Variants in RBM6 observed in about 807,000 individuals in gnomAD.
RBM6 encodes RNA binding motif protein 6, also known as RNA-binding protein 6.
In RBM6, 23 loss-of-function variants were observed where a neutral mutation model predicts 140.4. That is an observed-to-expected ratio of 0.16 (90% confidence interval 0.12 to 0.23). RBM6 has a LOEUF of 0.23. Among genes scored for constraint, RBM6 ranks in the 10% least tolerant of loss-of-function variants. RBM6 has a pLI of 1.00. For missense variants in RBM6, 1,139 were observed against 1,386.7 expected, an observed-to-expected ratio of 0.82 and a Z score of 2.84; for synonymous variants, 439 against 475.6, an observed-to-expected ratio of 0.92 and a Z score of 1.00.
At chr3:49,948,973 G>A (rs1264606810) in intron 1 of RBM6, among the ~76,000 whole-genome samples, 3 of 150,308 alleles carry the variant, frequency 2.0e-5, no homozygotes, top group Non-Finnish European at 3.0e-5. Context: ...TGGGTTACAG[G>A]TACCTGCCAC....
chr3:49,983,398 A>G (rs189338977), intron 5 of RBM6, among the ~76,000 whole-genome samples: 1 of 152,168 alleles, frequency 6.6e-6, no homozygotes, highest in East Asian at 1.9e-4. Flanking sequence ...AGTCCGAGAC[A>G]TGAGCTCAGG....
At chr3:50,046,691 G>A (rs765349531) in intron 6 of RBM6, among the ~76,000 whole-genome samples, 80 of 152,092 alleles carry the variant, frequency 5.3e-4, no homozygotes, top group Admixed American at 1.4e-3. Context: ...TACAGAGCCT[G>A]TCTCTTTTCT....
rs1272974335 is a variant in RBM6 at position 49,967,005 on chromosome 3, G to A, written c.45-465G>A. On this transcript the variant is annotated intron_variant, in intron 2 of 20. Transcript: ENST00000266022. This position sits in a 1 kb window ranked among gnomAD's most constrained non-coding sequence, Gnocchi z 4.0. Reference sequence around the variant, plus strand: ...TAATAAAATATTTTTGAATGTTACCGCTGGATGCAGCGTGAGAAAGATACC... The same window carrying A: ...TAATAAAATATTTTTGAATGTTACCACTGGATGCAGCGTGAGAAAGATACC... Among the ~76,000 whole-genome samples, 1 of 152,082 alleles carries A rather than the reference G, an allele frequency of 6.6e-6. No homozygotes were observed. The highest frequency in any genetic ancestry group is 2.4e-5 in the African/African-American group (1 of 41,402).
At chr3:50,074,134 G>A (rs1325556471) in intron 19 of RBM6, among the ~76,000 whole-genome samples, 5 of 151,996 alleles carry the variant, frequency 3.3e-5, no homozygotes, top group Non-Finnish European at 5.9e-5. Flanking sequence ...CGGCCACCAA[G>A]CAGCCTTACC....
intron 16 of RBM6, 77 bp downstream of exon 16, chr3:50,065,203 T>C: frequency 9.2e-7 from 1 of 1,085,246 alleles, no homozygotes; most frequent in South Asian, 1.4e-5. Context: ...GCGCAAAGGC[T>C]GATGCCTTCC....
intron 6 of RBM6, among the ~76,000 whole-genome samples, chr3:50,016,019 G>C (rs917110197): frequency 6.6e-6 from 1 of 152,144 alleles, no homozygotes; most frequent in African/African-American, 2.4e-5. Context: ...CTGTGCAATA[G>C]ATAACTAAAA....
At chr3:49,954,520 A>T (rs2083885859) in intron 1 of RBM6, among the ~76,000 whole-genome samples, 1 of 151,784 alleles carries the variant, frequency 6.6e-6, no homozygotes, top group East Asian at 1.9e-4. Flanking sequence ...GGCTCAAGCC[A>T]TCCTTCTGCC....
chr3:49,994,976 C>T (rs191791103), intron 5 of RBM6, among the ~76,000 whole-genome samples: 18 of 152,090 alleles, frequency 1.2e-4, no homozygotes, highest in Non-Finnish European at 1.9e-4. Flanking sequence ...AAAATTGGGC[C>T]TGTTATAGAC....
intron 7 of RBM6, among the ~76,000 whole-genome samples, chr3:50,053,653 TCTTA>T (rs2089574005): frequency 6.6e-6 from 1 of 152,214 alleles, no homozygotes; most frequent in Admixed American, 6.5e-5. Context: ...TCTTTATAGT[TCTTA>T]CTCTTTTATT....
At chr3:49,987,276 G>A (rs1226093235) in intron 5 of RBM6, among the ~76,000 whole-genome samples, 1 of 151,404 alleles carries the variant, frequency 6.6e-6, no homozygotes, top group Non-Finnish European at 1.5e-5. Flanking sequence ...TTTAAAAATA[G>A]TATTTTCCAC....
At chr3:49,958,995 A>G (rs1048451091) in intron 1 of RBM6, among the ~76,000 whole-genome samples, 1 of 151,788 alleles carries the variant, frequency 6.6e-6, no homozygotes, top group Non-Finnish European at 1.5e-5. Flanking sequence ...GGGTTTCACC[A>G]TCTTGGCCAG....
chr3:49,990,831 A>G (rs542132450), intron 5 of RBM6, among the ~76,000 whole-genome samples: 28 of 152,312 alleles, frequency 1.8e-4, no homozygotes, highest in Non-Finnish European at 3.4e-4. Flanking sequence ...ATGTTCAGGA[A>G]TGATGTTTTG....
chr3:49,965,714 T>G (rs1372426989), intron 2 of RBM6, among the ~76,000 whole-genome samples: 1 of 151,670 alleles, frequency 6.6e-6, no homozygotes, highest in African/African-American at 2.4e-5. Context: ...CCTCTTATGA[T>G]GAACCACATA....
At chr3:49,940,930 G>A (rs2083258169) in intron 1 of RBM6, 1 of 132,786 alleles carries the variant, frequency 7.5e-6, no homozygotes, top group Admixed American at 8.6e-5. Flanking sequence ...GCCCTGTTTC[G>A]TAGGGTACAT....
intron 1 of RBM6, among the ~76,000 whole-genome samples, chr3:49,957,610 G>T (rs765861411): frequency 5.9e-5 from 9 of 152,064 alleles, no homozygotes; most frequent in Non-Finnish European, 1.2e-4. Context: ...AAGTTCCATA[G>T]TATACAAATC....
chr3:49,982,926 G>A (rs2085379378), intron 5 of RBM6, among the ~76,000 whole-genome samples: 1 of 151,908 alleles, frequency 6.6e-6, no homozygotes, highest in African/African-American at 2.4e-5. Flanking sequence ...TGGCCAGGCT[G>A]GTTTCAATCT....
intron 1 of RBM6, among the ~76,000 whole-genome samples, chr3:49,953,063 T>A (rs921524930): frequency 1.3e-4 from 14 of 105,964 alleles, no homozygotes; most frequent in African/African-American, 6.5e-4. Flanking sequence ...TTTCTTCTTT[T>A]CTTTTTTTTT....
chr3:49,992,870 T>C (rs1010499709), intron 5 of RBM6, among the ~76,000 whole-genome samples: 3 of 152,212 alleles, frequency 2.0e-5, no homozygotes, highest in African/African-American at 7.2e-5. Context: ...CTGCACCATC[T>C]TTTCTGCCAG....
intron 3 of RBM6, among the ~76,000 whole-genome samples, chr3:49,969,452 T>C (rs2084677062): frequency 6.9e-6 from 1 of 145,530 alleles, no homozygotes; most frequent in South Asian, 2.1e-4. Context: ...ATCATATATA[T>C]GTGTGTGTGT....
Sources: allele counts gnomAD v4.1 joint callset (sites outside exome capture counted in the v4.1 genomes callset), GRCh38; gene constraint gnomAD v4.1.1; non-coding constraint Gnocchi (gnomAD v3.1); transcripts MANE v1.5; gene names NCBI Gene and HGNC (gene_info 2026-07-23, HGNC 2026-07-21).